Variants in KIT observed in about 807,000 individuals in gnomAD.
KIT encodes KIT proto-oncogene, receptor tyrosine kinase, also known as mast/stem cell growth factor receptor Kit.
A neutral mutation model predicts 105.7 loss-of-function variants in KIT; 16 were observed. The observed-to-expected ratio is 0.15, with a 90% confidence interval of 0.10 to 0.23. KIT has a LOEUF of 0.23. Among genes scored for constraint, KIT ranks in the 10% least tolerant of loss-of-function variants. The pLI is 1.00. For missense variants in KIT, 858 were observed against 1,213.8 expected, an observed-to-expected ratio of 0.71 and a Z score of 4.36; for synonymous variants, 438 against 441.1, an observed-to-expected ratio of 0.99 and a Z score of 0.09.
chr4:54,670,822 A>AG (rs1485459731), intron 1 of KIT, among the ~76,000 whole-genome samples: 1 of 152,146 alleles, frequency 6.6e-6, no homozygotes, highest in Non-Finnish European at 1.5e-5. Context: ...AATTGTACAG[A>AG]GCGGGCTTGC....
At chr4:54,708,300 G>A (rs1444387227) in intron 6 of KIT, among the ~76,000 whole-genome samples, 1 of 152,130 alleles carries the variant, frequency 6.6e-6, no homozygotes, top group Non-Finnish European at 1.5e-5. Flanking sequence ...TTTGCCAAAC[G>A]CCCTAGAAGC....
chr4:54,729,581 A>C, intron 14 of KIT, 96 bp downstream of exon 14: 2 of 1,047,014 alleles, frequency 1.9e-6, no homozygotes, highest in Non-Finnish European at 1.4e-6. Flanking sequence ...AAATGAACTG[A>C]GGTACTCTGA....
intron 1 of KIT, among the ~76,000 whole-genome samples, chr4:54,685,722 C>G (rs991229388): frequency 6.6e-6 from 1 of 152,236 alleles, no homozygotes; most frequent in South Asian, 2.1e-4. Context: ...GATTTTGTGA[C>G]TCCTAGGCAC....
intron 1 of KIT, among the ~76,000 whole-genome samples, chr4:54,658,960 G>T (rs1717029052): frequency 6.6e-6 from 1 of 152,202 alleles, no homozygotes; most frequent in South Asian, 2.1e-4. Flanking sequence ...GGGACAGCGT[G>T]CTGGGACTCT....
At position 54,699,738 on chromosome 4, in the gene KIT, A is replaced by G. The variant is rs1577958787; in HGVS notation, c.728A>G (p.Tyr243Cys). ...CTIKDVSSSVYSTWKRENSQT... is the reference protein window; with the variant it reads ...CTIKDVSSSVCSTWKRENSQT... ...ATAAAAGATGTGTCTAGTTCTGTGTACTCAACGTGGAAAAGAGAAAACAGT... is the reference window on the plus strand; with the variant it reads ...ATAAAAGATGTGTCTAGTTCTGTGTGCTCAACGTGGAAAAGAGAAAACAGT... Residue 243 changes from tyrosine to cysteine, a missense_variant, in exon 4 of 21, where the codon TAC becomes TGC. Transcript: ENST00000288135. 1 of 1,613,924 alleles carries G rather than the reference A, an allele frequency of 6.2e-7. No homozygotes were observed. Among genetic ancestry groups the G allele is most frequent in the South Asian group, 1.1e-5 (1 of 91,068 alleles).
intron 17 of KIT, among the ~76,000 whole-genome samples, chr4:54,735,534 CAA>C (rs931732455): frequency 1.9e-4 from 29 of 152,058 alleles, no homozygotes; most frequent in African/African-American, 5.3e-4. Flanking sequence ...GAGAGTTCTC[CAA>C]AGAGTCAGGA....
Position 54,727,385 on chromosome 4 carries a change from A to G in KIT, c.1648-31A>G, listed in dbSNP as rs200977393. 117 of 1,614,142 alleles carry G rather than the reference A, an allele frequency of 7.2e-5. No individual in the cohort carries two copies. The African/African-American group carries it at 1.4e-3, about 19-fold the overall frequency. ...AATGACTGAGACAATAATTATTAAA[A>G]GGTGATCTATTTTTCCCTTTCTCCC... On this transcript the variant is annotated intron_variant, in intron 10 of 20. Coordinates refer to ENST00000288135, the MANE Select transcript of KIT (RefSeq NM_000222.3).
chr4:54,732,028 T>A, intron 16 of KIT, 30 bp downstream of exon 16: 1 of 1,598,034 alleles, frequency 6.3e-7, no homozygotes, highest in Non-Finnish European at 8.5e-7. Context: ...TAAAGAGTTT[T>A]GTGTTTTGTT....
Position 54,737,181 on chromosome 4 carries a change from C to T in KIT, c.2703C>T (p.Asp901=). 1 of 1,609,530 alleles carries T rather than the reference C, an allele frequency of 6.2e-7. No homozygotes were observed. The highest frequency in any genetic ancestry group is 2.2e-5 in the East Asian group (1 of 44,834). The change falls in exon 20 of 21, where the codon GAC becomes GAT. Residue 901 remains aspartate, a synonymous_variant. Transcript: ENST00000288135. ...AATGGCCCTTGTCTTGCAGGTATGA[C>T]ATAATGAAGACTTGCTGGGATGCAG... ...SPEHAPAEMY[D]IMKTCWDADP... is the part of the protein sequence containing the mutation.
In KIT at chr4:54,678,592, C is replaced by T. The variant is rs1442298942; in HGVS notation, c.68-16920C>T. Among the ~76,000 whole-genome samples the T allele has an allele frequency of 3.3e-5, 5 of 152,016 alleles. No individual in the cohort carries two copies. The East Asian group carries it at 9.6e-4, about 29-fold the overall frequency. ...GTTTGTAGAGGTCAAATGAGTTTTC[C>T]CAAAGTCTCACATTGCAATCCATGC... On this transcript the variant is annotated intron_variant, in intron 1 of 20. Transcript: ENST00000288135.
intron 17 of KIT, among the ~76,000 whole-genome samples, chr4:54,734,023 T>C (rs1301480384): frequency 3.9e-5 from 6 of 152,170 alleles, no homozygotes; most frequent in African/African-American, 1.4e-4. Flanking sequence ...GCGTCTCTAT[T>C]GGTAGCCTGT....
chr4:54,737,537 T>C (rs866479449), intron 20 of KIT, among the ~76,000 whole-genome samples: 1 of 152,168 alleles, frequency 6.6e-6, no homozygotes, highest in Non-Finnish European at 1.5e-5. Flanking sequence ...AGTAGAAGTT[T>C]CCATAAGGAT....
Position 54,680,824 on chromosome 4 carries a change from C to T in KIT, c.68-14688C>T, listed in dbSNP as rs75149863. 1.3e-3 allele frequency among the ~76,000 whole-genome samples: 193 copies of T among 152,258 alleles called. 1 individual carries two copies. The highest frequency in any genetic ancestry group is 4.5e-3 in the African/African-American group (187 of 41,552). Reference sequence around the variant, plus strand: ...ATTGGAGCGCCTAGCTCACACTCGCCCACACCCACACCTGTCCAGGACAGT... The same window carrying T: ...ATTGGAGCGCCTAGCTCACACTCGCTCACACCCACACCTGTCCAGGACAGT... On this transcript the variant is annotated intron_variant, in intron 1 of 20. Coordinates refer to ENST00000288135, the MANE Select transcript of KIT (RefSeq NM_000222.3).
At chr4:54,671,001 T>G (rs144712603) in intron 1 of KIT, among the ~76,000 whole-genome samples, 323 of 152,202 alleles carry the variant, frequency 2.1e-3, no homozygotes, top group Non-Finnish European at 2.9e-3. Flanking sequence ...TAACTGTCGG[T>G]CTGTTTGACA....
At chr4:54,697,188 C>A (rs140189644) in intron 2 of KIT, among the ~76,000 whole-genome samples, 154 of 152,256 alleles carry the variant, frequency 1.0e-3, no homozygotes, top group African/African-American at 3.5e-3. Context: ...TGGCCTGGGA[C>A]CATCCATAGT....
At chr4:54,685,235 C>T (rs997343770) in intron 1 of KIT, among the ~76,000 whole-genome samples, 4 of 152,158 alleles carry the variant, frequency 2.6e-5, no homozygotes, top group Non-Finnish European at 5.9e-5. Flanking sequence ...CTCTGTGTGC[C>T]AGTAAGACTC....
chr4:54,662,324 C>T (rs557796954), intron 1 of KIT, among the ~76,000 whole-genome samples: 6 of 152,282 alleles, frequency 3.9e-5, no homozygotes, highest in Admixed American at 3.9e-4. Flanking sequence ...AATTGTTTAA[C>T]CTTTTTGAGC....
intron 8 of KIT, 96 bp from the exon 9 acceptor site, chr4:54,725,761 T>A (rs1483332178): frequency 1.7e-6 from 2 of 1,142,942 alleles, no homozygotes; most frequent in African/African-American, 3.1e-5. Context: ...ATTATGAACC[T>A]CTAACTTTGT....
intron 8 of KIT, 25 bp downstream of exon 8, chr4:54,723,723 C>A: frequency 7.6e-7 from 1 of 1,322,546 alleles, no homozygotes; most frequent in Non-Finnish European, 1.1e-6. Flanking sequence ...TTTGGCACTG[C>A]TTATAATGCA....
Sources: gnomAD v4.1 joint callset for allele counts (sites outside exome capture counted in the v4.1 genomes callset) on GRCh38, gnomAD v4.1.1 for gene constraint, MANE v1.5 for transcripts, NCBI Gene and HGNC (gene_info 2026-07-23, HGNC 2026-07-21) for gene names.